The following ABHD12 variants were observed in gnomAD, a reference collection of about 807,000 sequenced individuals.
The protein encoded by ABHD12 is abhydrolase domain containing 12, lysophospholipase.
A neutral mutation model predicts 58.3 loss-of-function variants in ABHD12; 43 were observed. The observed-to-expected ratio is 0.74, with a 90% CI of 0.58 to 0.95. The LOEUF is 0.95. Among genes scored for constraint, ABHD12 ranks in the 40% least tolerant of loss-of-function variants. The pLI, the probability that ABHD12 is intolerant of heterozygous loss-of-function variation, is 0.00. For missense variants in ABHD12, 539 were observed against 537.2 expected, an observed-to-expected ratio of 1.00 and a Z score of -0.03; for synonymous variants, 219 against 211.2, an observed-to-expected ratio of 1.04 and a Z score of -0.32.
chr20:25,311,807 CT>C (rs2088853996), intron 6 of ABHD12, among the ~76,000 whole-genome samples: 3 of 152,178 alleles, frequency 2.0e-5, no homozygotes, highest in African/African-American at 7.2e-5. Flanking sequence ...TGGGCTCAAG[CT>C]TTCCTCCCAC....
chr20:25,381,629 T>TG (rs2090023265), intron 1 of ABHD12, among the ~76,000 whole-genome samples: 1 of 151,096 alleles, frequency 6.6e-6, no homozygotes, highest in Non-Finnish European at 1.5e-5. Flanking sequence ...GTACCCTCTT[T>TG]TTTTTTTTTT....
intron 1 of ABHD12, among the ~76,000 whole-genome samples, chr20:25,345,526 A>G (rs1175753225): frequency 6.6e-6 from 1 of 152,234 alleles, no homozygotes; most frequent in Admixed American, 6.5e-5. Context: ...CAGACTCGGA[A>G]AAACATATTA....
chr20:25,357,499 A>G (rs2089683888), intron 1 of ABHD12, among the ~76,000 whole-genome samples: 1 of 152,226 alleles, frequency 6.6e-6, no homozygotes, highest in African/African-American at 2.4e-5. Context: ...TGCAGTTTCT[A>G]TCGTGAACCA....
intron 1 of ABHD12, among the ~76,000 whole-genome samples, chr20:25,375,516 T>G (rs930745624): frequency 5.3e-5 from 8 of 152,164 alleles, no homozygotes; most frequent in Non-Finnish European, 1.2e-4. Context: ...TCTGGTACTC[T>G]GTCCTATAAA....
At chr20:25,314,874 G>A (rs1444223372) in intron 6 of ABHD12, 51 bp downstream of exon 6, 45 of 1,601,924 alleles carry the variant, frequency 2.8e-5, no homozygotes, top group Middle Eastern at 1.6e-4. Flanking sequence ...ATGGGATACC[G>A]CCAGCAAGCA....
chr20:25,338,776 G>A, intron 2 of ABHD12: 16 of 994,942 alleles, frequency 1.6e-5, no homozygotes, highest in Non-Finnish European at 1.9e-5. Context: ...ATATTTTTCA[G>A]TGGTCATCTT....
At chr20:25,346,736 C>T (rs1250117892) in intron 1 of ABHD12, among the ~76,000 whole-genome samples, 1 of 131,594 alleles carries the variant, frequency 7.6e-6, no homozygotes, top group African/African-American at 2.8e-5. Flanking sequence ...GCTCTGCCTC[C>T]TGGGTTCACA....
At chr20:25,331,962 C>T (rs1263177361) in intron 2 of ABHD12, among the ~76,000 whole-genome samples, 1 of 151,942 alleles carries the variant, frequency 6.6e-6, no homozygotes, top group Admixed American at 6.6e-5. Context: ...ACAATATTAA[C>T]TTTGAATGTA....
intron 7 of ABHD12, 96 bp downstream of exon 7, chr20:25,309,350 G>A (rs2088806568): frequency 6.3e-7 from 1 of 1,580,746 alleles, no homozygotes; most frequent in Admixed American, 1.7e-5. Context: ...TGGTGCCACA[G>A]GGTTTGCAGG....
At position 25,325,597 on chromosome 20, in the gene ABHD12, G is replaced by A. The variant is rs190724480; in HGVS notation, c.317-2167C>T. On this transcript the variant is annotated intron_variant, in intron 2 of 12. Coordinates refer to ENST00000339157, the MANE Select transcript of ABHD12 (RefSeq NM_001042472.3). ...AGAAGATGGAGGCAGAGATTTGAGG[G>A]AAGCTTCTCCAAGCCGGGAATGCTG... Among the ~76,000 whole-genome samples the A allele has an allele frequency of 1.9e-4, 29 of 152,236 alleles. No individual in the cohort carries two copies. In the East Asian group the frequency reaches 4.0e-3, roughly 21 times the overall value.
intron 4 of ABHD12, among the ~76,000 whole-genome samples, 182 bp downstream of exon 4, chr20:25,320,017 C>G (rs547566215): frequency 1.8e-4 from 28 of 152,360 alleles, no homozygotes; most frequent in Non-Finnish European, 3.2e-4. Flanking sequence ...CCCTCAACCC[C>G]TTCAGAACTC....
At chr20:25,308,544 G>A (rs1174831826) in intron 7 of ABHD12, 50 bp from the exon 8 acceptor site, 1 of 1,570,780 alleles carries the variant, frequency 6.4e-7, no homozygotes, top group East Asian at 2.3e-5. Context: ...AATTGTTTGA[G>A]ATGATATGGG....
At chr20:25,336,336 T>C (rs1216022049) in intron 2 of ABHD12, among the ~76,000 whole-genome samples, 1 of 152,176 alleles carries the variant, frequency 6.6e-6, no homozygotes, top group Non-Finnish European at 1.5e-5. Flanking sequence ...TCTTTGTTTT[T>C]AGAATAATCA....
At position 25,307,964 on chromosome 20, in the gene ABHD12, G is replaced by A. The variant is rs1437849678; in HGVS notation, c.867+2C>T. The A allele has an allele frequency of 3.2e-6, 5 of 1,562,132 alleles. No individual in the cohort carries two copies. The highest frequency in any genetic ancestry group is 2.2e-5 in the East Asian group (1 of 44,828). On this transcript the variant is annotated splice_donor_variant, in intron 9 of 12. Transcript: ENST00000339157. LOFTEE classifies it low-confidence loss of function (GC_TO_GT_DONOR). ...TTAATTTTTAATAAAATCTGTACTT[G>A]CCACTGAAAATGGATGGCTCTTAGC...
At chr20:25,319,967 G>A (rs896400251) in intron 4 of ABHD12, among the ~76,000 whole-genome samples, 1 of 152,206 alleles carries the variant, frequency 6.6e-6, no homozygotes, top group Non-Finnish European at 1.5e-5. Flanking sequence ...TCAGCCTGTG[G>A]GAACCCTGCT....
chr20:25,341,347 G>A (rs1401922294), intron 1 of ABHD12, among the ~76,000 whole-genome samples: 1 of 152,204 alleles, frequency 6.6e-6, no homozygotes, highest in African/African-American at 2.4e-5. Flanking sequence ...AGTAAGTCAG[G>A]AATACAAGAG....
intron 1 of ABHD12, among the ~76,000 whole-genome samples, chr20:25,383,512 T>C (rs1005721099): frequency 6.6e-6 from 1 of 152,176 alleles, no homozygotes; most frequent in African/African-American, 2.4e-5. Flanking sequence ...CCAGGGCTAA[T>C]GAAAGGCCCA....
chr20:25,384,402 TAC>T (rs57226615), intron 1 of ABHD12, among the ~76,000 whole-genome samples: 6 of 149,084 alleles, frequency 4.0e-5, no homozygotes, highest in South Asian at 4.2e-4. Flanking sequence ...TTGGCAATAC[TAC>T]ACACACACAC....
At position 25,317,050 on chromosome 20, in the gene ABHD12, T is replaced by C. The variant is rs2088975910; in HGVS notation, c.571A>G (p.Lys191Glu). ...GTGTGGGTGCTGCCTGCACTCACCT[T>C]GTAAAGCTCCACGCGGTGGTCGCCT... ...RGGDHRVELY[K>E]VLSSLGYHVV... The change falls in exon 5 of 13, where the codon AAG (lysine) becomes GAG (glutamate). Residue 191 changes from lysine (K) to glutamate (E), a missense_variant and splice_region_variant. Lys to Glu is a moderately conservative substitution (Grantham distance 56). Coordinates refer to ENST00000339157, the MANE Select transcript of ABHD12 (RefSeq NM_001042472.3). 1 of 1,613,086 alleles carries C rather than the reference T, an allele frequency of 6.2e-7. No individual in the cohort carries two copies. Among genetic ancestry groups the C allele is most frequent in the Non-Finnish European group, 8.5e-7 (1 of 1,179,670 alleles).
Sources: allele counts gnomAD v4.1 joint callset (sites outside exome capture counted in the v4.1 genomes callset), GRCh38; gene constraint gnomAD v4.1.1; transcripts MANE v1.5; gene names NCBI Gene and HGNC (gene_info 2026-07-23, HGNC 2026-07-21).